The following NACAD variants were observed in gnomAD, a reference collection of about 807,000 sequenced individuals.
NACAD encodes the protein NAC alpha domain containing, also known as NAC-alpha domain-containing protein 1.
In NACAD, 47 loss-of-function variants were observed where a neutral mutation model predicts 98.9. The observed-to-expected ratio is 0.48, with a 90% CI of 0.38 to 0.61. The LOEUF is 0.61. Ranked by LOEUF, NACAD falls within the 20% of genes least tolerant of loss-of-function variation. NACAD has a pLI of 0.00. For synonymous variants in NACAD, 696 were observed against 767.2 expected (o/e 0.91, Z 1.53); for missense variants, 1,412 against 1,748.2 (o/e 0.81, Z 3.43).
intron 2 of NACAD, 40 bp from the exon 3 acceptor site, chr7:45,081,907 T>C (rs933083123): frequency 6.5e-7 from 1 of 1,528,210 alleles, no homozygotes; most frequent in Non-Finnish European, 8.8e-7. Flanking sequence ...CTTTTGCTTC[T>C]AGGTGGCGGG....
chr7:45,086,171 G>A, intron 1 of NACAD, 59 bp from the exon 2 acceptor site: 1 of 1,500,084 alleles, frequency 6.7e-7, no homozygotes, highest in Non-Finnish European at 8.9e-7. Flanking sequence ...GCAAGGGCCA[G>A]GCCCGGGGAG....
rs1050760978 is a variant in NACAD at position 45,086,201 on chromosome 7, G to T, written c.68-89C>A. On this transcript the variant is annotated intron_variant, in intron 1 of 7. Transcript: ENST00000490531. ...GGGGAGATGAATTCCGGCTGCATAG[G>T]GCCCAGAGGAAGGTGGATCCAGGAA... 1.0e-5 allele frequency: 14 copies of T among 1,376,258 alleles called. No individual in the cohort carries two copies. In the Admixed American group the frequency reaches 3.3e-4, roughly 32 times the overall value. 85.3% of individuals were successfully genotyped at this position (1,376,258 alleles called of 1,614,324 possible). A position where few individuals can be genotyped will look rare whatever the true frequency, so the allele number is the denominator to read the frequency against.
chr7:45,080,450 A>G lies in NACAD; in HGVS notation c.*59T>C. The G allele has an allele frequency of 1.3e-6, 2 of 1,551,090 alleles. No homozygotes were observed. Among genetic ancestry groups the G allele is most frequent in the Non-Finnish European group, 1.7e-6 (2 of 1,146,622 alleles). ...ACCAGAGGGCAATGAAGGGACACCG[A>G]TTTATTGAGTAGCAGAGCTGAGGGA... On this transcript the variant is annotated 3_prime_UTR_variant, in exon 8 of 8. Coordinates refer to ENST00000490531, the MANE Select transcript of NACAD (RefSeq NM_001146334.2).
intron 1 of NACAD, among the ~76,000 whole-genome samples, chr7:45,086,496 G>T (rs1431289246): frequency 1.3e-5 from 2 of 152,144 alleles, no homozygotes; most frequent in Non-Finnish European, 2.9e-5. Flanking sequence ...AGGGGCTGGT[G>T]GTGGGAATCT....
rs1382152258 is a variant in NACAD at position 45,084,974 on chromosome 7, CTCA to C, written c.1203_1205del (p.Asp401del). The C allele has an allele frequency of 3.2e-6, 5 of 1,551,050 alleles. No individual in the cohort carries two copies. Among genetic ancestry groups the C allele is most frequent in the Non-Finnish European group, 4.4e-6 (5 of 1,147,000 alleles). ...CATGGGGCTCCCCGCTGTACAGCCT[CTCA>C]TCATCTGCCTCTGCGTAGGAGGCTG... is the stretch of plus-strand genomic sequence containing the variant. On this transcript the variant is annotated inframe_deletion, in exon 2 of 8. Coordinates refer to ENST00000490531, the MANE Select transcript of NACAD (RefSeq NM_001146334.2).
chr7:45,080,569 G>A (rs1476073661), intron 7 of NACAD, 46 bp from the exon 8 acceptor site: 9 of 1,551,320 alleles, frequency 5.8e-6, no homozygotes, highest in South Asian at 1.2e-5. Flanking sequence ...CCGCAGTGGA[G>A]CCAACATCAG....
chr7:45,087,378 CA>C (rs1200012507), intron 1 of NACAD, among the ~76,000 whole-genome samples: 9 of 152,250 alleles, frequency 5.9e-5, no homozygotes, highest in Admixed American at 5.9e-4. Context: ...GGACCTAGGC[CA>C]AAGGCACCTC....
chr7:45,081,950 C>T (rs1268715216), intron 2 of NACAD, 83 bp from the exon 3 acceptor site: 1 of 1,462,682 alleles, frequency 6.8e-7, no homozygotes. Flanking sequence ...CCTGCTGCCA[C>T]ATCAGGGCCA....
At chr7:45,086,229 C>A in intron 1 of NACAD, 117 bp from the exon 2 acceptor site, 2 of 1,173,106 alleles carry the variant, frequency 1.7e-6, no homozygotes, top group Non-Finnish European at 2.3e-6. Context: ...TCCAGGAAGG[C>A]AGGAGAGAAA....
At chr7:45,081,380 GCTGGT>G in intron 4 of NACAD, 117 bp from the exon 5 acceptor site, 1 of 1,417,450 alleles carries the variant, frequency 7.1e-7, no homozygotes, top group Non-Finnish European at 9.5e-7. Context: ...AAGACCTTGG[GCTGGT>G]GGTTGGTCCT....
rs1784511886 is a variant in NACAD, at chr7:45,085,761, C to G, written c.419G>C (p.Arg140Thr). 4.5e-6 allele frequency: 7 copies of G among 1,549,312 alleles called. No individual in the cohort carries two copies. The East Asian group carries it at 1.7e-4, about 38-fold the overall frequency. ...GCTTGCGTGCCCACCCTCCTGGTCCCTGAGCGCTGTCCGGGCAGCTCTGGG... is the reference window on the plus strand; with the variant it reads ...GCTTGCGTGCCCACCCTCCTGGTCCGTGAGCGCTGTCCGGGCAGCTCTGGG... ...LSPRAARTAL[R>T]DQEGGHASPD... Residue 140 changes from arginine (R) to threonine (T), a missense_variant, in exon 2 of 8, where the codon AGG becomes ACG. By Grantham distance (71) the Arg-to-Thr change is moderately conservative (BLOSUM62 -1). Transcript: ENST00000490531. This position sits in a 1 kb window ranked among gnomAD's most constrained non-coding sequence, Gnocchi z 6.1.
intron 1 of NACAD, among the ~76,000 whole-genome samples, chr7:45,087,095 C>T (rs1329634685): frequency 1.3e-5 from 2 of 152,172 alleles, no homozygotes; most frequent in Non-Finnish European, 2.9e-5. Flanking sequence ...GAAAGGAGTC[C>T]ATAGGAAGTA....
Position 45,085,677 on chromosome 7 carries a change from G to T in NACAD, c.503C>A (p.Pro168Gln), listed in dbSNP as rs1041275618. Reference sequence around the variant, plus strand: ...AGGCGTGAAGAAGGAATCAGGGTCTGGGGGAGGGGAAGGCACAGAAAGATC... The same window carrying T: ...AGGCGTGAAGAAGGAATCAGGGTCTTGGGGAGGGGAAGGCACAGAAAGATC... The part of the protein sequence containing the change: ...QGDLSVPSPP[P>Q]DPDSFFTPPS... Residue 168 changes from proline (P) to glutamine (Q), a missense_variant, in exon 2 of 8, where the codon CCA (proline) becomes CAA (glutamine). Coordinates refer to ENST00000490531, the MANE Select transcript of NACAD (RefSeq NM_001146334.2). The surrounding 1 kb of genome is among the most constrained non-coding windows in gnomAD (Gnocchi z 6.1). The T allele has an allele frequency of 3.9e-6, 6 of 1,549,276 alleles. No homozygotes were observed. The highest frequency in any genetic ancestry group is 5.2e-6 in the Non-Finnish European group (6 of 1,146,510).
chr7:45,083,306 T>C lies in NACAD; in HGVS notation c.2874A>G (p.Thr958=). The change falls in exon 2 of 8, where the codon ACA becomes ACG. Residue 958 remains threonine (T), a synonymous_variant. Coordinates refer to ENST00000490531, the MANE Select transcript of NACAD (RefSeq NM_001146334.2). ...GCTGAGCCATGGTGGCCACAGGCTC[T>C]GTCCCTGGGGCACAGCCTGCTTCTG... The part of the protein sequence containing the change: ...LQAEAGCAPG[T]EPVATMAQQE... 1.3e-6 allele frequency: 2 copies of C among 1,551,204 alleles called. No individual in the cohort carries two copies. The highest frequency in any genetic ancestry group is 1.7e-6 in the Non-Finnish European group (2 of 1,147,006).
rs1486452724 is a variant in NACAD at position 45,083,114 on chromosome 7, A to C, written c.3066T>G (p.Thr1022=). ...GGAGACTGAGGGCCTCCATGCCCAAAGTGGAATCCGCATCTTCCTGTGCGG... is the reference window on the plus strand; with the variant it reads ...GGAGACTGAGGGCCTCCATGCCCAACGTGGAATCCGCATCTTCCTGTGCGG... ...PWAAQEDADS[T]LGMEALSLPE... is the part of the protein sequence containing the mutation. Residue 1022 remains threonine, a synonymous_variant, in exon 2 of 8, where the codon ACT becomes ACG. Transcript: ENST00000490531. The C allele has an allele frequency of 6.4e-7, 1 of 1,550,768 alleles. No homozygotes were observed.
intron 4 of NACAD, 95 bp from the exon 5 acceptor site, chr7:45,081,358 G>A (rs1485313592): frequency 3.4e-6 from 5 of 1,474,278 alleles, no homozygotes; most frequent in Admixed American, 4.4e-5. Context: ...AGTCTCCACC[G>A]CCAACTTCCC....
At position 45,082,451 on chromosome 7, in the gene NACAD, C is replaced by T; in HGVS notation, c.3729G>A (p.Leu1243=). Residue 1243 remains leucine (L), a synonymous_variant, in exon 2 of 8, where the codon CTG becomes CTA. Coordinates refer to ENST00000490531, the MANE Select transcript of NACAD (RefSeq NM_001146334.2). This position sits in a 1 kb window ranked among gnomAD's most constrained non-coding sequence, Gnocchi z 4.5. The part of the protein sequence containing the change: ...GTLAGAALPP[L]EPPAPCLCQD... ...GGCACAGGCAGGGGGCTGGGGGCTC[C>T]AGTGGGGGTAGGGCTGCCCCAGCAA... The T allele has an allele frequency of 6.5e-7, 1 of 1,548,760 alleles. No individual in the cohort carries two copies.
Position 45,086,242 on chromosome 7 carries a change from A to G in NACAD, c.68-130T>C, listed in dbSNP as rs1419721431. 7 of 1,013,326 alleles carry G rather than the reference A, an allele frequency of 6.9e-6. No homozygotes were observed. The African/African-American group carries it at 8.1e-5, about 12-fold the overall frequency. 62.8% of individuals were successfully genotyped at this position (1,013,326 alleles called of 1,614,324 possible). On this transcript the variant is annotated intron_variant, in intron 1 of 7. Transcript: ENST00000490531. ...GATCCAGGAAGGCAGGAGAGAAAAG[A>G]GAAGACCCTCTGCACGCTGCGTTTG...
chr7:45,084,889 C>A lies in NACAD; in HGVS notation c.1291G>T (p.Ala431Ser), dbSNP rs757091852. 1 of 1,550,932 alleles carries A rather than the reference C, an allele frequency of 6.4e-7. No homozygotes were observed. The highest frequency in any genetic ancestry group is 1.4e-5 in the African/African-American group (1 of 73,052). ...QKTEEESGGG[A>S]KGLQAQDGTV... ...CCATCCTGAGCCTGCAGCCCCTTGG[C>A]CCCACCTCCGCTCTCCTCCTCTGTC... Residue 431 changes from alanine to serine, a missense_variant, in exon 2 of 8, where the codon GCC becomes TCC. Around this residue, in one of 5 missense-constraint regions of NACAD, gnomAD observed 638 missense variants for 722.7 expected, o/e 0.88. Coordinates refer to ENST00000490531, the MANE Select transcript of NACAD (RefSeq NM_001146334.2).
Sources: gnomAD v4.1 joint callset for allele counts (sites outside exome capture counted in the v4.1 genomes callset) on GRCh38, gnomAD v4.1.1 for gene constraint, gnomAD v4.1.1 regional missense constraint, Gnocchi (gnomAD v3.1) non-coding constraint, MANE v1.5 for transcripts, NCBI Gene and HGNC (gene_info 2026-07-23, HGNC 2026-07-21) for gene names.